C12orf54: variants seen among roughly 807,000 people sequenced by gnomAD.
C12orf54 encodes the protein chromosome 12 open reading frame 54, also known as uncharacterized protein C12orf54.
In C12orf54, 24 loss-of-function variants were observed where a neutral mutation model predicts 26.4. The observed-to-expected ratio is 0.91, with a 90% CI of 0.66 to 1.28. The LOEUF is 1.28. Ranked by LOEUF, C12orf54 falls within the 50% of genes most tolerant of loss-of-function variation. The pLI is 0.00. For synonymous variants in C12orf54, 54 were observed against 47.0 expected, an observed-to-expected ratio of 1.15 and a Z score of -0.61; for missense variants, 154 against 150.9, an observed-to-expected ratio of 1.02 and a Z score of -0.11.
At chr12:48,481,644 C>T (rs1210568879), upstream of C12orf54, among the ~76,000 whole-genome samples, 2 of 152,136 alleles carry the variant, frequency 1.3e-5, no homozygotes, top group African/African-American at 4.8e-5. Context: ...GGCATTTTGT[C>T]GCAGGTTGCA....
At chr12:48,477,820 A>G (rs1165439841), upstream of C12orf54, among the ~76,000 whole-genome samples, 1 of 152,238 alleles carries the variant, frequency 6.6e-6, no homozygotes, top group African/African-American at 2.4e-5. Flanking sequence ...CCAGAGGTAC[A>G]AAGGGGAGAT....
the C12orf54 span, among the ~76,000 whole-genome samples, chr12:48,467,035 T>G: frequency 1.3e-5 from 2 of 152,168 alleles, no homozygotes; most frequent in Admixed American, 6.5e-5. Flanking sequence ...CCTGTAAATG[T>G]GACTTTATTT....
chr12:48,447,308 A>G, the C12orf54 span, among the ~76,000 whole-genome samples: 4 of 151,784 alleles, frequency 2.6e-5, no homozygotes, highest in African/African-American at 9.7e-5. Context: ...GGAAGTGGCT[A>G]TACCTTGATC....
the C12orf54 span, among the ~76,000 whole-genome samples, chr12:48,445,613 T>C: frequency 6.6e-6 from 1 of 152,154 alleles, no homozygotes; most frequent in African/African-American, 2.4e-5. Flanking sequence ...GTTTCTGGCA[T>C]AATGCGGGCT....
At chr12:48,455,671 G>A in the C12orf54 span, among the ~76,000 whole-genome samples, 1 of 152,224 alleles carries the variant, frequency 6.6e-6, no homozygotes, top group Non-Finnish European at 1.5e-5. Context: ...TCAGTGAGCA[G>A]CTCCAACATG....
the C12orf54 span, among the ~76,000 whole-genome samples, chr12:48,465,075 A>G: frequency 6.6e-6 from 1 of 152,228 alleles, no homozygotes; most frequent in Non-Finnish European, 1.5e-5. Flanking sequence ...ATGGGATCTA[A>G]TTAAACTAAA....
At chr12:48,486,831 A>C in intron 4 of C12orf54, 105 bp downstream of exon 4, 1 of 1,188,720 alleles carries the variant, frequency 8.4e-7, no homozygotes, top group Middle Eastern at 2.0e-4. Flanking sequence ...CGGTTTGTTG[A>C]TTGACGGTGA....
the C12orf54 span, among the ~76,000 whole-genome samples, chr12:48,457,337 G>T: frequency 0.063 from 9,469 of 151,452 alleles, 999 homozygotes; most frequent in African/African-American, 0.22. Flanking sequence ...TAGTTTTTTT[G>T]TTTGTTTGTT....
At position 48,489,336 on chromosome 12, in the gene C12orf54, C is replaced by T. The variant is rs111840037; in HGVS notation, c.168+380C>T. On this transcript the variant is annotated intron_variant, in intron 5 of 8. Coordinates refer to ENST00000548364, the MANE Select transcript of C12orf54 (RefSeq NM_152319.4). ...ACTGCAGGGAAGTATGAATTAGAGA[C>T]CAGAGCTAACCATCTTGGGTAAATA... 8.4e-4 allele frequency: 289 copies of T among 345,220 alleles called. 1 individual carries two copies. The highest frequency in any genetic ancestry group is 1.5e-3 in the Non-Finnish European group (259 of 175,680). The allele number at this position is 345,220 out of a possible 1,614,324, so 21.4% of individuals were successfully genotyped here.
At chr12:48,452,913 T>C in the C12orf54 span, among the ~76,000 whole-genome samples, 2 of 152,150 alleles carry the variant, frequency 1.3e-5, no homozygotes, top group Admixed American at 6.5e-5. Context: ...AGTTCAACCA[T>C]TGTAGAAGAC....
chr12:48,478,379 T>C (rs1344141435), upstream of C12orf54, among the ~76,000 whole-genome samples: 2 of 152,140 alleles, frequency 1.3e-5, no homozygotes, highest in African/African-American at 4.8e-5. Context: ...TTCAACATAG[T>C]GTTGGAAGTT....
the C12orf54 span, chr12:48,472,773 C>A: frequency 3.1e-6 from 5 of 1,614,012 alleles, no homozygotes; most frequent in African/African-American, 4.0e-5. Context: ...ATTGGAAGGC[C>A]TCACAGATGA....
intron 5 of C12orf54, among the ~76,000 whole-genome samples, chr12:48,489,549 T>A (rs1937738317): frequency 1.3e-5 from 2 of 151,876 alleles, no homozygotes; most frequent in Admixed American, 1.3e-4. Context: ...CCTTAGCCTC[T>A]CAAGTAGCTG....
chr12:48,490,146 A>G (rs192431336), intron 5 of C12orf54, among the ~76,000 whole-genome samples: 102 of 152,364 alleles, frequency 6.7e-4, no homozygotes, highest in Middle Eastern at 3.4e-3. Flanking sequence ...AGGGCCACAA[A>G]GAATAAAAGA....
the C12orf54 span, among the ~76,000 whole-genome samples, chr12:48,468,575 A>G: frequency 2.1e-5 from 3 of 142,116 alleles, no homozygotes; most frequent in African/African-American, 4.9e-5. Context: ...AAAAGATACC[A>G]TGCAAACACT....
At chr12:48,486,316 A>G (rs145409227) in intron 3 of C12orf54, 108 bp downstream of exon 3, 4 of 1,184,134 alleles carry the variant, frequency 3.4e-6, no homozygotes, top group Middle Eastern at 2.8e-4. Flanking sequence ...GCTACCTGAC[A>G]AGGGACAGGG....
intron 4 of C12orf54, chr12:48,488,352 G>A (rs966663580): frequency 2.5e-5 from 13 of 511,974 alleles, no homozygotes; most frequent in Admixed American, 1.2e-4. Context: ...CCCTGGTGCC[G>A]ACAAGAAAGC....
chr12:48,442,198 A>G, the C12orf54 span: 13 of 193,396 alleles, frequency 6.7e-5, 1 homozygote, highest in East Asian at 1.3e-3. Context: ...ATCCGGAGCC[A>G]TAAAAGAAAA....
the C12orf54 span, among the ~76,000 whole-genome samples, chr12:48,467,692 A>C: frequency 1.3e-5 from 2 of 152,104 alleles, no homozygotes; most frequent in African/African-American, 4.8e-5. Flanking sequence ...GGGCCCAAGG[A>C]AACTTTTGAA....
Sources: gnomAD v4.1 joint callset for allele counts (sites outside exome capture counted in the v4.1 genomes callset) on GRCh38, gnomAD v4.1.1 for gene constraint, MANE v1.5 for transcripts, NCBI Gene and HGNC (gene_info 2026-07-23, HGNC 2026-07-21) for gene names.